MID1: variants seen among roughly 807,000 people sequenced by gnomAD.
MID1 encodes midline 1.
In MID1, 7 loss-of-function variants were observed where a neutral mutation model predicts 40.4. That is an observed-to-expected ratio of 0.17 (90% CI 0.10 to 0.33). The LOEUF is 0.33. Among genes scored for constraint, MID1 ranks in the 10% least tolerant of loss-of-function variants. The pLI, the probability that MID1 is intolerant of heterozygous loss-of-function variation, is 1.00. For synonymous variants in MID1, 229 were observed against 221.2 expected (o/e 1.04, Z -0.31); for missense variants, 367 against 558.5 (o/e 0.66, Z 3.46).
chrX:10,703,523 CG>C (rs1048291817), intron 1 of MID1, among the ~76,000 whole-genome samples: 4 of 110,754 alleles, frequency 3.6e-5, no homozygotes, highest in Admixed American at 1.9e-4. Flanking sequence ...AAAAATTAGC[CG>C]GGTGCGGTGG....
rs765034374 is a variant in MID1 at position 10,771,658 on chromosome X, A to ATT, written c.-187+61894_-187+61895dup. On this transcript the variant is annotated intron_variant, in intron 1 of 10. Coordinates refer to the MID1 transcript ENST00000380785. ...AGGCGCCTGACACCATGCCTGGCTA[A>ATT]TTTTTTTTTTTTTTTTTTTTTTGTA... Among the ~76,000 whole-genome samples the ATT allele has an allele frequency of 2.1e-3, 175 of 82,262 alleles. 1 individual carries two copies. Among genetic ancestry groups the ATT allele is most frequent in the Non-Finnish European group, 3.2e-3 (137 of 42,776 alleles). 71.4% of individuals were successfully genotyped at this position (82,262 alleles called of 115,157 possible).
At chrX:10,461,239 G>T (rs1433688900) in intron 7 of MID1, among the ~76,000 whole-genome samples, 1 of 104,616 alleles carries the variant, frequency 9.6e-6, no homozygotes. Flanking sequence ...TTCGCCAGTG[G>T]ACTGCCAGAT....
intron 1 of MID1, among the ~76,000 whole-genome samples, chrX:10,642,805 C>T (rs1936215746): frequency 9.1e-6 from 1 of 110,096 alleles, no homozygotes; most frequent in Admixed American, 9.7e-5. Context: ...GATACTGGTA[C>T]CAAAACAGAG....
chrX:10,572,769 A>C (rs977963522), intron 1 of MID1, among the ~76,000 whole-genome samples: 1 of 111,933 alleles, frequency 8.9e-6, no homozygotes, highest in African/African-American at 3.3e-5. Flanking sequence ...TGAGAAGAGG[A>C]TCTAGATAAT....
At chrX:10,706,029 T>C (rs766350887) in intron 1 of MID1, among the ~76,000 whole-genome samples, 4 of 111,286 alleles carry the variant, frequency 3.6e-5, no homozygotes, top group Non-Finnish European at 7.5e-5. Context: ...CAATTCCTTG[T>C]TATGGGGACT....
chrX:10,583,449 G>A (rs1435174784), intron 1 of MID1, among the ~76,000 whole-genome samples: 3 of 111,762 alleles, frequency 2.7e-5, no homozygotes, highest in Non-Finnish European at 5.6e-5. Context: ...CTGGTGTTTG[G>A]TCAGAGGGTT....
At chrX:10,667,573 T>C (rs773335021) in intron 1 of MID1, among the ~76,000 whole-genome samples, 1 of 112,128 alleles carries the variant, frequency 8.9e-6, no homozygotes, top group Non-Finnish European at 1.9e-5. Flanking sequence ...GAATTCATAA[T>C]GTTTTACTAA....
intron 1 of MID1, among the ~76,000 whole-genome samples, chrX:10,600,582 T>C (rs1202196408): frequency 9.0e-6 from 1 of 111,389 alleles, no homozygotes; most frequent in East Asian, 2.8e-4. Context: ...GGCCAACATA[T>C]TTCCAACTGT....
At chrX:10,704,716 GTATATATATA>G (rs771605675) in intron 1 of MID1, among the ~76,000 whole-genome samples, 1 of 78,095 alleles carries the variant, frequency 1.3e-5, no homozygotes, top group Non-Finnish European at 2.3e-5. Flanking sequence ...GTGTGTGTGT[GTATATATATA>G]TATATATATA....
Position 10,775,940 on chromosome X carries a change from T to G in MID1, c.-187+57614A>C, listed in dbSNP as rs1433181927. ...GGGAGCCTGTTCTCTTTTGAATACT[T>G]AGCCATGAATTACAAGCATCAGTTG... On this transcript the variant is annotated intron_variant, in intron 1 of 10. Coordinates refer to the MID1 transcript ENST00000380785. Among the ~76,000 whole-genome samples the G allele has an allele frequency of 4.5e-5, 5 of 111,587 alleles. No homozygotes were observed. The East Asian group carries it at 1.1e-3, about 25-fold the overall frequency.
Position 10,481,108 on chromosome X carries a change from G to T in MID1, c.1013+1372C>A, listed in dbSNP as rs938769110. Among the ~76,000 whole-genome samples the T allele has an allele frequency of 3.0e-4, 34 of 112,056 alleles. 1 individual carries two copies. The highest frequency in any genetic ancestry group is 1.1e-3 in the African/African-American group (34 of 30,788). ...TATTGGCACACAGCCACACCCATTT[G>T]TTTCTATATTATCTATGGCCGCTTT... On this transcript the variant is annotated intron_variant, in intron 5 of 9. Transcript: ENST00000317552.
chrX:10,718,047 G>C (rs958665061), intron 1 of MID1, among the ~76,000 whole-genome samples: 1 of 112,047 alleles, frequency 8.9e-6, no homozygotes, highest in Non-Finnish European at 1.9e-5. Context: ...ATTCAAAGCA[G>C]TGTGTAGAGG....
Position 10,562,464 on chromosome X carries a change from A to G in MID1, c.660+4424T>C, listed in dbSNP as rs150407397. The stretch of plus-strand genomic sequence containing the variant: ...CATTAATTGATTACACAGACTGAAA[A>G]CATTAATGAGCTCATGGAAATTTTG... On this transcript the variant is annotated intron_variant, in intron 2 of 9. Coordinates refer to ENST00000317552, the MANE Select transcript of MID1 (RefSeq NM_000381.4). Among the ~76,000 whole-genome samples, 280 of 104,593 alleles carry G rather than the reference A, an allele frequency of 2.7e-3. 38 individuals carry two copies. Among genetic ancestry groups the G allele is most frequent in the African/African-American group, 0.01 (271 of 25,994 alleles). The allele number at this position is 104,593 out of a possible 115,157, so 90.8% of individuals were successfully genotyped here.
intron 1 of MID1, among the ~76,000 whole-genome samples, chrX:10,732,454 A>G (rs1221196006): frequency 8.9e-6 from 1 of 112,176 alleles, no homozygotes; most frequent in Non-Finnish European, 1.9e-5. Context: ...TAGATTGAAA[A>G]CCATAAAATA....
chrX:10,700,691 TTAA>T (rs1197177506), intron 1 of MID1, among the ~76,000 whole-genome samples: 3 of 112,408 alleles, frequency 2.7e-5, no homozygotes, highest in African/African-American at 9.7e-5. Context: ...GGAAGCAGCT[TTAA>T]GACATCTTAG....
intron 1 of MID1, among the ~76,000 whole-genome samples, chrX:10,789,535 TA>T (rs1394559019): frequency 8.9e-6 from 1 of 112,359 alleles, no homozygotes; most frequent in Non-Finnish European, 1.9e-5. Context: ...CAGTATTCAG[TA>T]CAGTCACATG....
chrX:10,664,652 G>T (rs1317315308), intron 1 of MID1, among the ~76,000 whole-genome samples: 1 of 112,240 alleles, frequency 8.9e-6, no homozygotes, highest in African/African-American at 3.2e-5. Flanking sequence ...GTAACCTTAT[G>T]TTTAACTTTT....
chrX:10,639,141 C>A (rs1936157451), intron 1 of MID1, among the ~76,000 whole-genome samples: 1 of 112,258 alleles, frequency 8.9e-6, no homozygotes, highest in Admixed American at 9.4e-5. Context: ...AGCAATGGAA[C>A]AAAGCTGGAC....
chrX:10,727,299 A>C (rs1001866584), intron 1 of MID1, among the ~76,000 whole-genome samples: 5 of 110,308 alleles, frequency 4.5e-5, no homozygotes, highest in Non-Finnish European at 9.5e-5. Context: ...ATTTTCTTTC[A>C]GTAGAGATGG....
Sources: allele counts gnomAD v4.1 joint callset (sites outside exome capture counted in the v4.1 genomes callset), GRCh38; gene constraint gnomAD v4.1.1; transcripts MANE v1.5; gene names NCBI Gene and HGNC (gene_info 2026-07-23, HGNC 2026-07-21).